The following KIF1B variants were observed in gnomAD, a reference collection of about 807,000 sequenced individuals.
KIF1B encodes the protein kinesin family member 1B.
KIF1B carries 76 observed loss-of-function variants against 241.9 expected under a neutral mutation model. That is an observed-to-expected ratio of 0.31 (90% CI 0.26 to 0.38). KIF1B has a LOEUF of 0.38. Ranked by LOEUF, KIF1B falls within the 10% of genes least tolerant of loss-of-function variation. KIF1B has a pLI of 1.00. For missense variants in KIF1B, 1,622 were observed against 2,271.4 expected, an observed-to-expected ratio of 0.71 and a Z score of 5.81; for synonymous variants, 750 against 796.7, an observed-to-expected ratio of 0.94 and a Z score of 0.99.
chr1:10,362,399 T>C (rs983397901), intron 40 of KIF1B, among the ~76,000 whole-genome samples: 1 of 151,050 alleles, frequency 6.6e-6, no homozygotes, highest in Non-Finnish European at 1.5e-5. Flanking sequence ...TCACTTGAGC[T>C]TGGGAGGTTG....
intron 44 of KIF1B, among the ~76,000 whole-genome samples, chr1:10,370,843 C>A (rs924224081): frequency 2.0e-5 from 3 of 151,878 alleles, no homozygotes; most frequent in Admixed American, 2.0e-4. Flanking sequence ...CGCTTGTAGT[C>A]CCAGGTACTC....
In KIF1B at chr1:10,224,111, C is replaced by T. The variant is rs115235208; in HGVS notation, c.-79-8139C>T. Among the ~76,000 whole-genome samples the T allele has an allele frequency of 1.5e-3, 222 of 151,910 alleles. 2 individuals are homozygous for T. Among genetic ancestry groups the T allele is most frequent in the African/African-American group, 4.8e-3 (199 of 41,460 alleles). On this transcript the variant is annotated intron_variant, in intron 1 of 48. Coordinates refer to ENST00000676179, the MANE Select transcript of KIF1B (RefSeq NM_001365951.3). ...GTGAGTCAGAGTGTACAGCCCTGAC[C>T]GTGGTTTTTGTTTGTTTGTTTGAGA...
chr1:10,273,435 T>C (rs1648910801), intron 10 of KIF1B, among the ~76,000 whole-genome samples: 1 of 152,084 alleles, frequency 6.6e-6, no homozygotes, highest in Non-Finnish European at 1.5e-5. Context: ...GTGCCCATAG[T>C]GTCCCAACTA....
At chr1:10,343,411 G>C (rs1332091659) in intron 34 of KIF1B, 124 bp downstream of exon 34, 5 of 913,760 alleles carry the variant, frequency 5.5e-6, no homozygotes, top group Non-Finnish European at 8.8e-6. Flanking sequence ...ATGTATTCCT[G>C]CTCCTCTTGT....
chr1:10,309,653 A>G (rs540226508), intron 22 of KIF1B, among the ~76,000 whole-genome samples: 2 of 151,624 alleles, frequency 1.3e-5, no homozygotes, highest in East Asian at 1.9e-4. Flanking sequence ...TACCACCATC[A>G]TCTCTCATCG....
chr1:10,339,079 AATAAT>A (rs1436546095), intron 31 of KIF1B, among the ~76,000 whole-genome samples: 1 of 152,106 alleles, frequency 6.6e-6, no homozygotes, highest in Non-Finnish European at 1.5e-5. Context: ...ATTTCAGACT[AATAAT>A]AGGGAGAGAG....
At chr1:10,229,888 AAAAAAAAG>A (rs1646958166) in intron 1 of KIF1B, among the ~76,000 whole-genome samples, 1 of 149,480 alleles carries the variant, frequency 6.7e-6, no homozygotes, top group Non-Finnish European at 1.5e-5. Context: ...AAAAAAAAAA[AAAAAAAAG>A]AAAAGAAAAT....
At chr1:10,211,712 T>A (rs1571071749) in intron 1 of KIF1B, 2 of 151,538 alleles carry the variant, frequency 1.3e-5, no homozygotes, top group Admixed American at 1.3e-4. Flanking sequence ...TTTTTTTTTT[T>A]CCTTGATTGC....
At position 10,290,964 on chromosome 1, in the gene KIF1B, CTT is replaced by C. The variant is rs999975392; in HGVS notation, c.1435-116_1435-115del. The C allele has an allele frequency of 5.6e-5, 41 of 732,088 alleles. No individual in the cohort carries two copies. In the Admixed American group the frequency reaches 6.5e-4, roughly 12 times the overall value. 45.3% of individuals were successfully genotyped at this position (732,088 alleles called of 1,614,324 possible). On this transcript the variant is annotated intron_variant, in intron 15 of 48. Coordinates refer to ENST00000676179, the MANE Select transcript of KIF1B (RefSeq NM_001365951.3). ...TTATGTATTAATAAAAGAAAAATCT[CTT>C]TACATTTAATTCTGGCCTGTATCCT... is the stretch of plus-strand genomic sequence containing the variant.
At chr1:10,254,146 G>A (rs1199198672) in intron 2 of KIF1B, among the ~76,000 whole-genome samples, 2 of 152,234 alleles carry the variant, frequency 1.3e-5, no homozygotes, top group African/African-American at 4.8e-5. Context: ...GTGTGTATGA[G>A]TGAGGGAGAA....
rs1638836946 is a variant in KIF1B at position 10,374,729 on chromosome 1, A to G, written c.5097-125A>G. On this transcript the variant is annotated intron_variant, in intron 46 of 48. Coordinates refer to ENST00000676179, the MANE Select transcript of KIF1B (RefSeq NM_001365951.3). The surrounding 1 kb of genome is among the most constrained non-coding windows in gnomAD (Gnocchi z 4.3). ...CTTTGGCAGATAAGATTCTAGGCCA[A>G]ATAGGTCATTTGCCTGTTTCATCGA... The G allele has an allele frequency of 9.8e-7, 1 of 1,018,130 alleles. No homozygotes were observed. Among genetic ancestry groups the G allele is most frequent in the South Asian group, 1.3e-5 (1 of 74,714 alleles). 63.1% of individuals were successfully genotyped at this position (1,018,130 alleles called of 1,614,324 possible).
At chr1:10,321,582 CAA>C in intron 23 of KIF1B, 125 bp from the exon 24 acceptor site, 1 of 966,548 alleles carries the variant, frequency 1.0e-6, no homozygotes, top group South Asian at 1.4e-5. Context: ...TAAAAAGAAA[CAA>C]AAGCAGCTGA....
At chr1:10,255,646 C>A (rs151016256) in intron 2 of KIF1B, among the ~76,000 whole-genome samples, 13 of 152,188 alleles carry the variant, frequency 8.5e-5, no homozygotes, top group African/African-American at 2.4e-4. Flanking sequence ...GGTAACTTAC[C>A]TAAGGAGGAT....
At position 10,334,537 on chromosome 1, in the gene KIF1B, G is replaced by A. The variant is rs1485393520; in HGVS notation, c.2942G>A (p.Ser981Asn). 3.1e-6 allele frequency: 5 copies of A among 1,613,642 alleles called. No individual in the cohort carries two copies. The highest frequency in any genetic ancestry group is 4.2e-6 in the Non-Finnish European group (5 of 1,179,704). The change falls in exon 28 of 49, where the codon AGC becomes AAC. Residue 981 changes from serine (S) to asparagine (N), a missense_variant. This residue lies in a region of KIF1B where 803 missense variants were observed against 1,112.0 expected (regional missense o/e 0.72). Transcript: ENST00000676179. Reference protein sequence around the residue: ...ILVGRAFVYLSNLLYPVPLIH... With the variant: ...ILVGRAFVYLNNLLYPVPLIH... Reference sequence around the variant, plus strand: ...GTCTTTAGGGCATTTGTTTACCTGAGCAATCTGCTGTATCCCGTGCCCCTG... The same window carrying A: ...GTCTTTAGGGCATTTGTTTACCTGAACAATCTGCTGTATCCCGTGCCCCTG...
Position 10,376,644 on chromosome 1 carries a change from C to T in KIF1B, c.*57C>T. The T allele has an allele frequency of 6.6e-7, 1 of 1,520,148 alleles. No homozygotes were observed. The highest frequency in any genetic ancestry group is 1.1e-5 in the South Asian group (1 of 89,046). 94.2% of individuals were successfully genotyped at this position (1,520,148 alleles called of 1,614,324 possible). A position where few individuals can be genotyped will look rare whatever the true frequency, so the allele number is the denominator to read the frequency against. On this transcript the variant is annotated 3_prime_UTR_variant, in exon 49 of 49. Coordinates refer to ENST00000676179, the MANE Select transcript of KIF1B (RefSeq NM_001365951.3). ...GAGAGATAAAGAAAGCGTTACCTCT[C>T]ATTTCTCTTTGTGATTCTTGACGGT...
At chr1:10,320,434 T>G (rs1424220176) in intron 23 of KIF1B, among the ~76,000 whole-genome samples, 1 of 152,252 alleles carries the variant, frequency 6.6e-6, no homozygotes, top group Non-Finnish European at 1.5e-5. Context: ...GCTGTAGATG[T>G]GACTTTTAGA....
chr1:10,221,875 G>C (rs943683261), intron 1 of KIF1B, among the ~76,000 whole-genome samples: 3 of 152,198 alleles, frequency 2.0e-5, no homozygotes, highest in African/African-American at 7.2e-5. Flanking sequence ...GAGTGCAGTG[G>C]TGCAATCTTG....
chr1:10,284,297 T>G (rs1473262666), intron 15 of KIF1B, among the ~76,000 whole-genome samples: 3 of 152,082 alleles, frequency 2.0e-5, no homozygotes, highest in Non-Finnish European at 4.4e-5. Context: ...CACCTGTAAT[T>G]CCAGCACTTT....
intron 35 of KIF1B, among the ~76,000 whole-genome samples, chr1:10,346,428 G>A (rs201188873): frequency 1.3e-3 from 205 of 151,962 alleles, no homozygotes; most frequent in East Asian, 9.9e-3. Context: ...GCAATGGCGC[G>A]ATCTCAGCTC....
Sources: gnomAD v4.1 joint callset for allele counts (sites outside exome capture counted in the v4.1 genomes callset) on GRCh38, gnomAD v4.1.1 for gene constraint, gnomAD v4.1.1 regional missense constraint, Gnocchi (gnomAD v3.1) non-coding constraint, MANE v1.5 for transcripts, NCBI Gene and HGNC (gene_info 2026-07-23, HGNC 2026-07-21) for gene names.